ZDHHC14: variants seen among roughly 807,000 people sequenced by gnomAD.
ZDHHC14 encodes zDHHC palmitoyltransferase 14.
Under a neutral mutation model 47.7 loss-of-function variants are expected in ZDHHC14, and 16 were observed. The observed-to-expected ratio is 0.34, with a 90% CI of 0.23 to 0.51. The LOEUF is 0.51. Ranked by LOEUF, ZDHHC14 falls within the 20% of genes least tolerant of loss-of-function variation. The pLI is 0.97. For missense variants in ZDHHC14, 515 were observed against 662.5 expected (o/e 0.78, Z 2.44); for synonymous variants, 293 against 278.9 (o/e 1.05, Z -0.50).
chr6:157,604,790 T>A (rs1784471632), intron 3 of ZDHHC14, among the ~76,000 whole-genome samples: 1 of 152,168 alleles, frequency 6.6e-6, no homozygotes, highest in Admixed American at 6.5e-5. Flanking sequence ...GTGATCCACC[T>A]GCCTCGGCCT....
intron 1 of ZDHHC14, among the ~76,000 whole-genome samples, chr6:157,486,266 T>C (rs535059885): frequency 6.6e-6 from 1 of 152,296 alleles, no homozygotes; most frequent in South Asian, 2.1e-4. Context: ...CACCGGTACC[T>C]GTGAACTTGG....
intron 1 of ZDHHC14, among the ~76,000 whole-genome samples, chr6:157,519,104 T>C (rs904982804): frequency 6.6e-6 from 1 of 152,182 alleles, no homozygotes; most frequent in Non-Finnish European, 1.5e-5. Flanking sequence ...GTTTTAGTGA[T>C]CTCAGAAACA....
At chr6:157,409,905 T>C (rs940902619) in intron 1 of ZDHHC14, among the ~76,000 whole-genome samples, 2 of 152,054 alleles carry the variant, frequency 1.3e-5, no homozygotes, top group Non-Finnish European at 2.9e-5. Context: ...CTCGGCTCAC[T>C]GCAACCTCTG....
intron 1 of ZDHHC14, among the ~76,000 whole-genome samples, chr6:157,533,309 C>G (rs1781429765): frequency 6.6e-6 from 1 of 152,076 alleles, no homozygotes; most frequent in Non-Finnish European, 1.5e-5. Flanking sequence ...TATATATTAA[C>G]AGTGTGCCAA....
At chr6:157,608,010 G>A (rs1784607095) in intron 3 of ZDHHC14, among the ~76,000 whole-genome samples, 2 of 152,228 alleles carry the variant, frequency 1.3e-5, no homozygotes, top group African/African-American at 2.4e-5. Flanking sequence ...AAAGTAACCA[G>A]TGTCTACCTG....
At chr6:157,382,372 A>T in intron 1 of ZDHHC14, 106 bp downstream of exon 1, 1 of 1,333,146 alleles carries the variant, frequency 7.5e-7, no homozygotes, top group Non-Finnish European at 1.0e-6. Context: ...TCTACTGTAA[A>T]TTGTTATATA....
intron 1 of ZDHHC14, among the ~76,000 whole-genome samples, chr6:157,482,194 G>A (rs1370456235): frequency 6.6e-6 from 1 of 152,096 alleles, no homozygotes; most frequent in African/African-American, 2.4e-5. Context: ...GTAGCCAGTT[G>A]GAGATGTTTG....
intron 3 of ZDHHC14, among the ~76,000 whole-genome samples, chr6:157,627,027 T>A (rs370353783): frequency 1.3e-5 from 2 of 152,180 alleles, no homozygotes. Flanking sequence ...CTGAAATCTC[T>A]CCTCAAGTCC....
intron 1 of ZDHHC14, among the ~76,000 whole-genome samples, chr6:157,508,800 T>C (rs1014543571): frequency 6.6e-6 from 1 of 152,140 alleles, no homozygotes; most frequent in African/African-American, 2.4e-5. Flanking sequence ...AATTTTTAAA[T>C]TCACCTGCAA....
intron 2 of ZDHHC14, among the ~76,000 whole-genome samples, chr6:157,575,355 TG>T (rs200518754): frequency 0.015 from 2,292 of 152,322 alleles, 62 homozygotes; most frequent in African/African-American, 0.052. Flanking sequence ...TGAGCCAAGT[TG>T]ACACATAAAA....
chr6:157,620,231 G>A (rs993915055), intron 3 of ZDHHC14, among the ~76,000 whole-genome samples: 2 of 152,202 alleles, frequency 1.3e-5, no homozygotes, highest in Admixed American at 1.3e-4. Context: ...GGACACTGCA[G>A]AGTCTCAAGG....
At chr6:157,465,735 T>C (rs1272819407) in intron 1 of ZDHHC14, among the ~76,000 whole-genome samples, 1 of 152,134 alleles carries the variant, frequency 6.6e-6, no homozygotes, top group East Asian at 1.9e-4. Context: ...TCTCCAGAGG[T>C]CTGAACTTGG....
At chr6:157,485,292 A>T (rs1346358478) in intron 1 of ZDHHC14, among the ~76,000 whole-genome samples, 1 of 151,972 alleles carries the variant, frequency 6.6e-6, no homozygotes, top group Middle Eastern at 3.2e-3. Context: ...TGCACATGGG[A>T]GGCTTCATCC....
chr6:157,657,919 C>T (rs558275198), intron 8 of ZDHHC14, among the ~76,000 whole-genome samples: 1 of 152,140 alleles, frequency 6.6e-6, no homozygotes, highest in Non-Finnish European at 1.5e-5. Context: ...AGAAGCATGA[C>T]CTTGATGAGT....
At chr6:157,563,247 C>T (rs369636535) in intron 2 of ZDHHC14, among the ~76,000 whole-genome samples, 8 of 152,214 alleles carry the variant, frequency 5.3e-5, no homozygotes, top group Non-Finnish European at 1.2e-4. Context: ...GGAAACACCA[C>T]GGCCACCGCT....
chr6:157,652,047 G>A (rs1429884351), intron 7 of ZDHHC14, among the ~76,000 whole-genome samples: 1 of 152,224 alleles, frequency 6.6e-6, no homozygotes, highest in East Asian at 1.9e-4. Flanking sequence ...TTGAAGGGAG[G>A]GTTGCAAAGC....
intron 2 of ZDHHC14, among the ~76,000 whole-genome samples, chr6:157,585,588 T>G (rs1053306907): frequency 6.6e-6 from 1 of 152,214 alleles, no homozygotes; most frequent in Non-Finnish European, 1.5e-5. Context: ...AAAAGTTTCT[T>G]TGTGCCAAGG....
chr6:157,496,878 C>A (rs1363751252), intron 1 of ZDHHC14, among the ~76,000 whole-genome samples: 7 of 152,248 alleles, frequency 4.6e-5, no homozygotes, highest in Admixed American at 1.3e-4. Flanking sequence ...TGACACAGGT[C>A]TTGGCAGTCA....
At chr6:157,496,345 T>G (rs1454783402) in intron 1 of ZDHHC14, among the ~76,000 whole-genome samples, 1 of 151,692 alleles carries the variant, frequency 6.6e-6, no homozygotes, top group Non-Finnish European at 1.5e-5. Context: ...TGAGGGCTGG[T>G]CCCCTCCCAC....
Sources: gnomAD v4.1 joint callset for allele counts (sites outside exome capture counted in the v4.1 genomes callset) on GRCh38, gnomAD v4.1.1 for gene constraint, MANE v1.5 for transcripts, NCBI Gene and HGNC (gene_info 2026-07-23, HGNC 2026-07-21) for gene names.